The following FAM53B variants were observed in gnomAD, a reference collection of about 807,000 sequenced individuals.
FAM53B encodes the protein family with sequence similarity 53 member B.
In FAM53B, 12 loss-of-function variants were observed where a neutral mutation model predicts 32.7. The observed-to-expected ratio is 0.37, with a 90% CI of 0.24 to 0.59. FAM53B has a LOEUF of 0.59. FAM53B is among the 20% of genes least tolerant of loss of function. The pLI is 0.72. For missense variants in FAM53B, 477 were observed against 577.7 expected (o/e 0.83, Z 1.79); for synonymous variants, 234 against 228.7 (o/e 1.02, Z -0.21).
intron 4 of FAM53B, among the ~76,000 whole-genome samples, chr10:124,669,892 A>AC (rs1949696853): frequency 6.6e-6 from 1 of 150,680 alleles, no homozygotes; most frequent in African/African-American, 2.4e-5. Flanking sequence ...GGTGAGGATT[A>AC]CAGGGTGGGT....
At chr10:124,738,650 C>T (rs952280895) in intron 1 of FAM53B, among the ~76,000 whole-genome samples, 1 of 151,584 alleles carries the variant, frequency 6.6e-6, no homozygotes, top group Non-Finnish European at 1.5e-5. Flanking sequence ...CTGGCTGGGG[C>T]GTACCAAGTT....
At chr10:124,739,912 C>A (rs1487143890) in intron 1 of FAM53B, among the ~76,000 whole-genome samples, 1 of 152,104 alleles carries the variant, frequency 6.6e-6, no homozygotes, top group African/African-American at 2.4e-5. Flanking sequence ...TCAGATCCAC[C>A]CATCAGCATT....
chr10:124,655,688 C>T (rs564839364), intron 4 of FAM53B, among the ~76,000 whole-genome samples: 3 of 152,212 alleles, frequency 2.0e-5, no homozygotes, highest in South Asian at 4.1e-4. Flanking sequence ...TGCTGGGGTC[C>T]CTCTGCCCCA....
chr10:124,704,782 C>T (rs1397828419), intron 2 of FAM53B, among the ~76,000 whole-genome samples: 2 of 152,218 alleles, frequency 1.3e-5, no homozygotes, highest in Non-Finnish European at 2.9e-5. Flanking sequence ...CAGAGAAGGA[C>T]AGCTCTGACT....
chr10:124,719,534 G>T (rs951264451), intron 1 of FAM53B, among the ~76,000 whole-genome samples: 6 of 152,070 alleles, frequency 3.9e-5, no homozygotes, highest in Admixed American at 3.9e-4. Context: ...GTTAGAAATG[G>T]CCCAGGCTCC....
chr10:124,702,900 T>C (rs1033087613), intron 2 of FAM53B, among the ~76,000 whole-genome samples: 1 of 152,194 alleles, frequency 6.6e-6, no homozygotes, highest in African/African-American at 2.4e-5. Context: ...TTCTAGTTCA[T>C]GTGAGGGCTG....
intron 4 of FAM53B, among the ~76,000 whole-genome samples, chr10:124,626,367 G>C (rs1004215694): frequency 7.9e-6 from 1 of 126,516 alleles, no homozygotes; most frequent in East Asian, 2.4e-4. Context: ...CACTAACCGT[G>C]GTGCTACGGT....
intron 4 of FAM53B, among the ~76,000 whole-genome samples, chr10:124,679,410 C>A (rs1477534770): frequency 6.6e-6 from 1 of 152,218 alleles, no homozygotes; most frequent in African/African-American, 2.4e-5. Context: ...GTGCACTCGC[C>A]AGGGCTCTTG....
chr10:124,718,703 A>G (rs1950050772), intron 1 of FAM53B, among the ~76,000 whole-genome samples: 1 of 152,264 alleles, frequency 6.6e-6, no homozygotes, highest in Non-Finnish European at 1.5e-5. Context: ...TCACAGATCA[A>G]AATAGCACCA....
chr10:124,668,947 G>A (rs2134061349), intron 4 of FAM53B, among the ~76,000 whole-genome samples: 1 of 152,382 alleles, frequency 6.6e-6, no homozygotes, highest in Admixed American at 6.5e-5. Flanking sequence ...TCTCACGGAG[G>A]GAAGTGAGTG....
intron 1 of FAM53B, among the ~76,000 whole-genome samples, chr10:124,741,542 G>A (rs895710963): frequency 3.9e-5 from 6 of 152,170 alleles, no homozygotes; most frequent in African/African-American, 1.4e-4. Context: ...GAGCAGGCTG[G>A]CCCTTCCTGA....
At chr10:124,705,925 G>A (rs1283532287) in intron 2 of FAM53B, among the ~76,000 whole-genome samples, 2 of 152,250 alleles carry the variant, frequency 1.3e-5, no homozygotes, top group African/African-American at 2.4e-5. Flanking sequence ...GGAAGCTGCA[G>A]AGAGTTCTGA....
At chr10:124,627,770 C>T (rs955012966) in intron 4 of FAM53B, among the ~76,000 whole-genome samples, 8 of 151,904 alleles carry the variant, frequency 5.3e-5, no homozygotes, top group Non-Finnish European at 1.0e-4. Context: ...TGGCCATTCC[C>T]GCTGGCCCCA....
rs1466628557 is a variant in FAM53B, at chr10:124,619,676, T to C, written c.*3566A>G. ...CCATTAAAAAAAAAAAAAATCTTTC[T>C]CTTCTTTTCTCTTTAAAGAGGCATG... On this transcript the variant is annotated 3_prime_UTR_variant, in exon 5 of 5. Transcript: ENST00000337318. 4 of 152,400 alleles carry C rather than the reference T, an allele frequency of 2.6e-5. No individual in the cohort carries two copies. Among genetic ancestry groups the C allele is most frequent in the Non-Finnish European group, 4.4e-5 (3 of 68,008 alleles). 9.4% of individuals were successfully genotyped at this position (152,400 alleles called of 1,614,324 possible).
intron 2 of FAM53B, among the ~76,000 whole-genome samples, chr10:124,703,433 C>T (rs1347059020): frequency 1.3e-5 from 2 of 152,366 alleles, no homozygotes; most frequent in East Asian, 3.9e-4. Context: ...AGGTATTCCT[C>T]ATAGCAACAT....
At chr10:124,698,794 C>T (rs1357472224) in intron 2 of FAM53B, among the ~76,000 whole-genome samples, 1 of 152,162 alleles carries the variant, frequency 6.6e-6, no homozygotes, top group Non-Finnish European at 1.5e-5. Context: ...GAACCCAGAG[C>T]CATCTTCTTA....
At position 124,628,248 on chromosome 10, in the gene FAM53B, G is replaced by C. The variant is rs116898575; in HGVS notation, c.907-4644C>G. On this transcript the variant is annotated intron_variant, in intron 4 of 4. Transcript: ENST00000337318. ...CAGCCCCAGCATTTGTCTAGGGACT[G>C]CTGTCCCTAGAACTCATGAGCTACG... 6.7e-3 allele frequency among the ~76,000 whole-genome samples: 1,027 copies of C among 152,298 alleles called. 8 individuals carry two copies. Among genetic ancestry groups the C allele is most frequent in the South Asian group, 0.025 (120 of 4,824 alleles).
At chr10:124,728,695 G>C (rs1589766247) in intron 1 of FAM53B, among the ~76,000 whole-genome samples, 1 of 152,198 alleles carries the variant, frequency 6.6e-6, no homozygotes. Flanking sequence ...AATAGCCCAG[G>C]ACAAACGAAG....
At chr10:124,737,228 C>T (rs1950178258) in intron 1 of FAM53B, among the ~76,000 whole-genome samples, 1 of 152,246 alleles carries the variant, frequency 6.6e-6, no homozygotes, top group Non-Finnish European at 1.5e-5. Context: ...TCCCTTCACT[C>T]GGCCCAAACC....
Sources: gnomAD v4.1 joint callset for allele counts (sites outside exome capture counted in the v4.1 genomes callset) on GRCh38, gnomAD v4.1.1 for gene constraint, MANE v1.5 for transcripts, NCBI Gene and HGNC (gene_info 2026-07-23, HGNC 2026-07-21) for gene names.